Variants in ASTE1 observed in about 807,000 individuals in gnomAD.
ASTE1 encodes asteroid structure-specific endonuclease 1.
Under a neutral mutation model 45.8 loss-of-function variants are expected in ASTE1, and 49 were observed. That is an observed-to-expected ratio of 1.07 (90% CI 0.85 to 1.36). ASTE1 has a LOEUF of 1.36. Ranked by LOEUF, ASTE1 falls within the 40% of genes most tolerant of loss-of-function variation. ASTE1 has a pLI of 0.00. For missense variants in ASTE1, 709 were observed against 804.0 expected (o/e 0.88, Z 1.43); for synonymous variants, 296 against 303.9 (o/e 0.97, Z 0.27).
At chr3:131,022,294 A>G (rs1191437123) in intron 3 of ASTE1, among the ~76,000 whole-genome samples, 2 of 152,150 alleles carry the variant, frequency 1.3e-5, no homozygotes, top group Non-Finnish European at 1.5e-5. Context: ...TAACTGAGGT[A>G]TAATTCATAT....
rs972266467 is a variant in ASTE1, at chr3:131,013,927, T to G, written c.*130A>C. 3.3e-6 allele frequency: 2 copies of G among 603,056 alleles called. No individual in the cohort carries two copies. The highest frequency in any genetic ancestry group is 3.8e-5 in the African/African-American group (2 of 52,608). The allele number at this position is 603,056 out of a possible 1,614,324, so 37.4% of individuals were successfully genotyped here. On this transcript the variant is annotated 3_prime_UTR_variant, in exon 6 of 6. Coordinates refer to ENST00000264992, the MANE Select transcript of ASTE1 (RefSeq NM_014065.4). Reference sequence around the variant, plus strand: ...AACAAAATACAAAATAACTTGGAATTCAGATTATTGTGATGTTTATCCCCT... The same window carrying G: ...AACAAAATACAAAATAACTTGGAATGCAGATTATTGTGATGTTTATCCCCT...
rs1248077688 is a variant in ASTE1 at position 131,014,308 on chromosome 3, A to G, written c.1789T>C (p.Cys597Arg). 3.1e-6 allele frequency: 5 copies of G among 1,613,854 alleles called. No individual in the cohort carries two copies. Among genetic ancestry groups the G allele is most frequent in the Admixed American group, 3.3e-5 (2 of 59,962 alleles). ...TCATAAAGTTGCTTAGCCTCAGGACATATGCTCAGGAGACTTTCTACAGAG... is the reference window on the plus strand; with the variant it reads ...TCATAAAGTTGCTTAGCCTCAGGACGTATGCTCAGGAGACTTTCTACAGAG... Reference protein sequence around the residue: ...STSVESLLSICPEAKQLYEYL... With the variant: ...STSVESLLSIRPEAKQLYEYL... Residue 597 changes from cysteine (C) to arginine (R), a missense_variant, in exon 6 of 6, where the codon TGT (cysteine) becomes CGT (arginine). Cys to Arg is a radical substitution (Grantham distance 180). Transcript: ENST00000264992.
chr3:131,024,690 T>G lies in ASTE1; in HGVS notation c.617A>C (p.His206Pro). Residue 206 changes from histidine to proline, a missense_variant, in exon 3 of 6, where the codon CAC becomes CCC. Transcript: ENST00000264992. ...KCFSLDAFCH[H>P]FSNMNKALLP... is the part of the protein sequence containing the mutation. Reference sequence around the variant, plus strand: ...TAGAGCTTTATTCATATTGCTGAAGTGATGGCAGAATGCATCAAGGGAAAA... The same window carrying G: ...TAGAGCTTTATTCATATTGCTGAAGGGATGGCAGAATGCATCAAGGGAAAA... 6.3e-7 allele frequency: 1 copy of G among 1,596,818 alleles called. No homozygotes were observed. The highest frequency in any genetic ancestry group is 8.5e-7 in the Non-Finnish European group (1 of 1,171,614).
chr3:131,016,940 G>T, intron 4 of ASTE1: 1 of 1,214,084 alleles, frequency 8.2e-7, no homozygotes, highest in Non-Finnish European at 1.1e-6. Flanking sequence ...GGGCAGGGGT[G>T]CACAAAATAA....
Position 131,018,547 on chromosome 3 carries a change from G to T in ASTE1, c.1472C>A (p.Thr491Lys). 6.2e-7 allele frequency: 1 copy of T among 1,613,996 alleles called. No individual in the cohort carries two copies. Among genetic ancestry groups the T allele is most frequent in the African/African-American group, 1.3e-5 (1 of 74,980 alleles). The change falls in exon 4 of 6, where the codon ACA becomes AAA. Residue 491 changes from threonine (T) to lysine (K), a missense_variant. Coordinates refer to ENST00000264992, the MANE Select transcript of ASTE1 (RefSeq NM_014065.4). Reference sequence around the variant, plus strand: ...GGCAATCAAGGGCCCCACTAGCATTGTGAGCAGTAAGGATTGTAGATGATG... The same window carrying T: ...GGCAATCAAGGGCCCCACTAGCATTTTGAGCAGTAAGGATTGTAGATGATG... ...KLHHLQSLLL[T>K]MLVGPLIAII...
In ASTE1 at chr3:131,024,493, C is replaced by T; in HGVS notation, c.814G>A (p.Ala272Thr). ...WLSHFANPTEALDNVLKYLPK... is the reference protein window; with the variant it reads ...WLSHFANPTETLDNVLKYLPK... The stretch of plus-strand genomic sequence containing the variant: ...AGGTATTTCAGAACATTATCTAGTG[C>T]TTCGGTAGGGTTGGCAAAATGAGAC... The change falls in exon 3 of 6, where the codon GCA (alanine) becomes ACA (threonine). Residue 272 changes from alanine (A) to threonine (T), a missense_variant. Transcript: ENST00000264992. 1 of 1,614,094 alleles carries T rather than the reference C, an allele frequency of 6.2e-7. No individual in the cohort carries two copies. Among genetic ancestry groups the T allele is most frequent in the Non-Finnish European group, 8.5e-7 (1 of 1,180,004 alleles).
At chr3:131,016,475 C>G in intron 4 of ASTE1, 136 bp from the exon 5 acceptor site, 3 of 953,758 alleles carry the variant, frequency 3.1e-6, no homozygotes, top group Non-Finnish European at 3.1e-6. Flanking sequence ...CTTCTGGCTT[C>G]ATAAATGCCT....
chr3:131,015,395 T>C, intron 5 of ASTE1: 1 of 587,068 alleles, frequency 1.7e-6, no homozygotes, highest in Non-Finnish European at 3.0e-6. Context: ...ATTACCAAGA[T>C]GTCCAATCCA....
intron 4 of ASTE1, 98 bp from the exon 5 acceptor site, chr3:131,016,437 T>C: frequency 7.4e-7 from 1 of 1,359,268 alleles, no homozygotes; most frequent in Admixed American, 2.0e-5. Context: ...AGAAAGAAAT[T>C]AATTTAAAAA....
chr3:131,024,458 C>G lies in ASTE1; in HGVS notation c.849G>C (p.Lys283Asn), dbSNP rs1262082035. 1.2e-6 allele frequency: 2 copies of G among 1,613,952 alleles called. No individual in the cohort carries two copies. Among genetic ancestry groups the G allele is most frequent in the African/African-American group, 2.7e-5 (2 of 74,898 alleles). ...LDNVLKYLPK[K>N]DRENVKELLC... ...GAAGTTCCTTAACATTTTCTCGATC[C>G]TTTTTTGGGAGGTATTTCAGAACAT... Residue 283 changes from lysine (K) to asparagine (N), a missense_variant, in exon 3 of 6, where the codon AAG becomes AAC. Lys to Asn is a moderately conservative substitution (Grantham distance 94). Coordinates refer to ENST00000264992, the MANE Select transcript of ASTE1 (RefSeq NM_014065.4).
chr3:131,018,375 C>T lies in ASTE1; in HGVS notation c.1513+131G>A, dbSNP rs555889606. 4.1e-5 allele frequency: 36 copies of T among 878,174 alleles called. No homozygotes were observed. In the South Asian group the frequency reaches 5.3e-4, roughly 13 times the overall value. 54.4% of individuals were successfully genotyped at this position (878,174 alleles called of 1,614,324 possible). On this transcript the variant is annotated intron_variant, in intron 4 of 5. Coordinates refer to ENST00000264992, the MANE Select transcript of ASTE1 (RefSeq NM_014065.4). ...CAATGAATGAATGATATTTTGGTGCCTCCACATCTAAGTTGTGATACAATT... is the reference window on the plus strand; with the variant it reads ...CAATGAATGAATGATATTTTGGTGCTTCCACATCTAAGTTGTGATACAATT...
intron 3 of ASTE1, among the ~76,000 whole-genome samples, chr3:131,023,481 A>G (rs886347104): frequency 2.0e-5 from 3 of 152,192 alleles, no homozygotes; most frequent in South Asian, 2.1e-4. Context: ...TGTTTTCTGT[A>G]TCAAACTAGG....
chr3:131,018,599 G>A lies in ASTE1; in HGVS notation c.1420C>T (p.Gln474Ter). ...AGCTTTGCTTTGGTCTCGGTGTGCTGCAACCAGTAGCAACTGACAGCAATG... is the reference window on the plus strand; with the variant it reads ...AGCTTTGCTTTGGTCTCGGTGTGCTACAACCAGTAGCAACTGACAGCAATG... The part of the protein sequence containing the change: ...LPIAVSCYWL[Q>*]HTETKAKLHH... Residue 474 changes from glutamine (Q) to a stop codon, truncating the protein, a stop_gained, in exon 4 of 6, where the codon CAG becomes TAG. Coordinates refer to ENST00000264992, the MANE Select transcript of ASTE1 (RefSeq NM_014065.4). LOFTEE classifies it high-confidence loss of function. 6.2e-7 allele frequency: 1 copy of A among 1,613,934 alleles called. No individual in the cohort carries two copies. Among genetic ancestry groups the A allele is most frequent in the Non-Finnish European group, 8.5e-7 (1 of 1,179,980 alleles).
At chr3:131,022,953 G>A (rs1013904436) in intron 3 of ASTE1, among the ~76,000 whole-genome samples, 1 of 152,096 alleles carries the variant, frequency 6.6e-6, no homozygotes, top group African/African-American at 2.4e-5. Flanking sequence ...AAATTTAGCA[G>A]CATCTTTGGC....
At position 131,019,756 on chromosome 3, in the gene ASTE1, T is replaced by C. The variant is rs543215399; in HGVS notation, c.1303-1040A>G. 7.9e-5 allele frequency among the ~76,000 whole-genome samples: 12 copies of C among 152,318 alleles called. No homozygotes were observed. In the South Asian group the frequency reaches 2.5e-3, roughly 32 times the overall value. ...GTTAGTAGAAAGAGTGGTTGACAGC[T>C]GAGACTAAAGATATTAACCTGAAAC... On this transcript the variant is annotated intron_variant, in intron 3 of 5. Coordinates refer to ENST00000264992, the MANE Select transcript of ASTE1 (RefSeq NM_014065.4).
chr3:131,014,796 A>T (rs1195431395), intron 5 of ASTE1, among the ~76,000 whole-genome samples: 2 of 152,212 alleles, frequency 1.3e-5, no homozygotes, highest in Non-Finnish European at 2.9e-5. Flanking sequence ...CTAAAAACCT[A>T]CTTCACAAAT....
At chr3:131,021,150 A>G (rs942615557) in intron 3 of ASTE1, among the ~76,000 whole-genome samples, 2 of 152,242 alleles carry the variant, frequency 1.3e-5, no homozygotes, top group Admixed American at 6.5e-5. Context: ...AAAACATACT[A>G]AAGAGTGAAT....
At chr3:131,016,415 C>A in intron 4 of ASTE1, 76 bp from the exon 5 acceptor site, 4 of 1,467,214 alleles carry the variant, frequency 2.7e-6, no homozygotes, top group Non-Finnish European at 2.8e-6. Flanking sequence ...ACATATACTA[C>A]AAATTCTATA....
chr3:131,019,997 T>C (rs1290915314), intron 3 of ASTE1, among the ~76,000 whole-genome samples: 1 of 152,198 alleles, frequency 6.6e-6, no homozygotes, highest in African/African-American at 2.4e-5. Context: ...CTTAAACTGG[T>C]TTTTAAAATG....
Sources: gnomAD v4.1 joint callset for allele counts (sites outside exome capture counted in the v4.1 genomes callset) on GRCh38, gnomAD v4.1.1 for gene constraint, MANE v1.5 for transcripts, NCBI Gene and HGNC (gene_info 2026-07-23, HGNC 2026-07-21) for gene names.